The following WDPCP variants were observed in gnomAD, a reference collection of about 807,000 sequenced individuals.
The protein encoded by WDPCP is WD repeat-containing and planar cell polarity effector protein fritz homolog.
Under a neutral mutation model 93.1 loss-of-function variants are expected in WDPCP, and 71 were observed. The ratio of observed to expected loss-of-function variants is 0.76; its 90% CI spans 0.63 to 0.93. WDPCP has a LOEUF of 0.93. WDPCP is among the 40% of genes least tolerant of loss of function. The pLI is 0.00. For synonymous variants in WDPCP, 315 were observed against 315.0 expected, an observed-to-expected ratio of 1.00 and a Z score of 0.00; for missense variants, 844 against 887.4, an observed-to-expected ratio of 0.95 and a Z score of 0.62.
chr2:63,221,353 A>G (rs1191533261), intron 14 of WDPCP, among the ~76,000 whole-genome samples: 1 of 152,218 alleles, frequency 6.6e-6, no homozygotes, highest in Non-Finnish European at 1.5e-5. Context: ...ACTGTGGGAT[A>G]AGGGAATAGG....
intron 14 of WDPCP, among the ~76,000 whole-genome samples, chr2:63,178,518 A>G (rs1673989621): frequency 6.7e-6 from 1 of 149,184 alleles, no homozygotes; most frequent in South Asian, 2.1e-4. Context: ...TTCTCTTACA[A>G]CCCTCTTTAT....
chr2:63,792,110 G>T (rs1670554678), intron 2 of WDPCP, among the ~76,000 whole-genome samples: 1 of 152,144 alleles, frequency 6.6e-6, no homozygotes, highest in South Asian at 2.1e-4. Context: ...AAAACAGTGT[G>T]CTGTGAATAG....
rs943604445 is a variant in WDPCP, at chr2:63,119,746, A to G, written c.*2260T>C. On this transcript the variant is annotated 3_prime_UTR_variant, in exon 18 of 18. Coordinates refer to ENST00000272321, the MANE Select transcript of WDPCP (RefSeq NM_015910.7). ...AGATACTACCTAGCTGTTCCTGCCT[A>G]TACCACTCTTCTTACTTTAGAGCTA... is the stretch of plus-strand genomic sequence containing the variant. 6.6e-6 allele frequency among the ~76,000 whole-genome samples: 1 copy of G among 152,192 alleles called. No homozygotes were observed. Among genetic ancestry groups the G allele is most frequent in the African/African-American group, 2.4e-5 (1 of 41,450 alleles).
intron 2 of WDPCP, among the ~76,000 whole-genome samples, chr2:63,695,469 G>T (rs1668950118): frequency 1.3e-5 from 2 of 152,040 alleles, no homozygotes; most frequent in South Asian, 4.1e-4. Context: ...CCCATATATT[G>T]CATGGGACAC....
chr2:63,129,927 C>T (rs992810758), intron 17 of WDPCP, among the ~76,000 whole-genome samples: 37 of 151,954 alleles, frequency 2.4e-4, no homozygotes, highest in Admixed American at 7.9e-4. Context: ...GAATAATTTA[C>T]AAGAAAAAAA....
intron 2 of WDPCP, among the ~76,000 whole-genome samples, chr2:63,672,373 A>C (rs1410787336): frequency 6.6e-6 from 1 of 152,250 alleles, no homozygotes; most frequent in African/African-American, 2.4e-5. Flanking sequence ...TAATGAGCTT[A>C]TAATTACTAT....
At chr2:63,508,774 G>A (rs1007738916) in intron 1 of WDPCP, among the ~76,000 whole-genome samples, 1 of 152,098 alleles carries the variant, frequency 6.6e-6, no homozygotes, top group African/African-American at 2.4e-5. Context: ...AAAAGCAGGG[G>A]TTGCAATCCT....
intron 2 of WDPCP, among the ~76,000 whole-genome samples, chr2:63,687,910 C>T (rs1668833024): frequency 6.6e-6 from 1 of 152,170 alleles, no homozygotes; most frequent in Admixed American, 6.5e-5. Context: ...GCACTATTCA[C>T]AATAGCCGAG....
At position 63,702,068 on chromosome 2, in the gene WDPCP, C is replaced by T. The variant is rs367582620; in HGVS notation, n.309-51230G>A. Among the ~76,000 whole-genome samples the T allele has an allele frequency of 1.4e-4, 21 of 152,260 alleles. No individual in the cohort carries two copies. In the East Asian group the frequency reaches 2.1e-3, roughly 15 times the overall value. ...GAGATGGAGTTTCGCTCTTGTTGCCCAGGCTGGAGTGCAATGGCACGATCT... is the reference window on the plus strand; with the variant it reads ...GAGATGGAGTTTCGCTCTTGTTGCCTAGGCTGGAGTGCAATGGCACGATCT... On this transcript the variant is annotated intron_variant and non_coding_transcript_variant, in intron 2 of 4. Transcript: ENST00000467687.
chr2:63,590,009 A>G (rs964346053), upstream of WDPCP: 4 of 154,012 alleles, frequency 2.6e-5, no homozygotes, highest in East Asian at 1.9e-4. Flanking sequence ...GAACCTGAAA[A>G]GACACGTTTT....
chr2:63,276,944 A>C (rs1407228454), intron 13 of WDPCP, among the ~76,000 whole-genome samples: 4 of 152,212 alleles, frequency 2.6e-5, no homozygotes, highest in Non-Finnish European at 5.9e-5. Flanking sequence ...TCTAAAGTTA[A>C]GATGAAGGAA....
chr2:63,220,712 T>A (rs1398095204), intron 14 of WDPCP, among the ~76,000 whole-genome samples: 2 of 152,128 alleles, frequency 1.3e-5, no homozygotes, highest in African/African-American at 4.8e-5. Flanking sequence ...TTTTTTAAAT[T>A]TAATTTAAAG....
chr2:63,472,274 CTA>C (rs1699736514), intron 6 of WDPCP, among the ~76,000 whole-genome samples: 1 of 151,530 alleles, frequency 6.6e-6, no homozygotes, highest in African/African-American at 2.4e-5. Flanking sequence ...CAAAATATGC[CTA>C]TTAATCTTTT....
intron 2 of WDPCP, among the ~76,000 whole-genome samples, chr2:63,796,222 A>G (rs1261092057): frequency 6.6e-6 from 1 of 152,238 alleles, no homozygotes; most frequent in Non-Finnish European, 1.5e-5. Flanking sequence ...CGAAGCTGAC[A>G]TGCTAAGAAG....
At chr2:63,313,958 T>C (rs1488201898) in intron 12 of WDPCP, among the ~76,000 whole-genome samples, 1 of 147,004 alleles carries the variant, frequency 6.8e-6, no homozygotes, top group Non-Finnish European at 1.5e-5. Context: ...CTCGGCTCAC[T>C]GCAACCTCCA....
At position 63,338,562 on chromosome 2, in the gene WDPCP, AAAAAAAAATATATATATATATAT is replaced by A. The variant is rs1341711835; in HGVS notation, c.1749-25274_1749-25252del. On this transcript the variant is annotated intron_variant, in intron 12 of 17. Transcript: ENST00000272321. ...AGCAAAACTCCATCTAAAAAAAAAAAAAAAAAAATATATATATATATATATATATATATATATATATATATATA... is the reference window on the plus strand; with the variant it reads ...AGCAAAACTCCATCTAAAAAAAAAAAATATATATATATATATATATATATA... Among the ~76,000 whole-genome samples the A allele has an allele frequency of 5.2e-3, 322 of 61,976 alleles. 32 individuals are homozygous for A. Among genetic ancestry groups the A allele is most frequent in the East Asian group, 0.025 (56 of 2,198 alleles). The allele number at this position is 61,976 out of a possible 152,430, so 40.7% of individuals were successfully genotyped here.
At chr2:63,747,018 C>T (rs1334854255) in intron 2 of WDPCP, among the ~76,000 whole-genome samples, 1 of 152,032 alleles carries the variant, frequency 6.6e-6, no homozygotes, top group Non-Finnish European at 1.5e-5. Context: ...TAAAATTTCT[C>T]TCTTTTGTAC....
chr2:63,733,427 C>G (rs1434234151), intron 2 of WDPCP, among the ~76,000 whole-genome samples: 2 of 146,822 alleles, frequency 1.4e-5, no homozygotes, highest in Non-Finnish European at 1.5e-5. Flanking sequence ...TGGTCTCGAT[C>G]TCCTGACCTC....
intron 14 of WDPCP, chr2:63,232,790 T>C (rs1679036178): frequency 6.5e-6 from 1 of 153,864 alleles, no homozygotes; most frequent in Non-Finnish European, 1.5e-5. Flanking sequence ...CTTTTTTTAA[T>C]GATAATTATA....
Sources: gnomAD v4.1 joint callset for allele counts (sites outside exome capture counted in the v4.1 genomes callset) on GRCh38, gnomAD v4.1.1 for gene constraint, MANE v1.5 for transcripts, NCBI Gene and HGNC (gene_info 2026-07-23, HGNC 2026-07-21) for gene names.